Variants in PHTF2 observed in about 807,000 individuals in gnomAD.
PHTF2 encodes the protein protein PHTF2.
PHTF2 carries 60 observed loss-of-function variants against 101.2 expected under a neutral mutation model. The ratio of observed to expected loss-of-function variants is 0.59; its 90% CI spans 0.48 to 0.73. The LOEUF (loss-of-function observed/expected upper bound fraction) is 0.73. Ranked by LOEUF, PHTF2 falls within the 30% of genes least tolerant of loss-of-function variation. The pLI, the probability that PHTF2 is intolerant of heterozygous loss-of-function variation, is 0.00. For synonymous variants in PHTF2, 311 were observed against 307.3 expected, an observed-to-expected ratio of 1.01 and a Z score of -0.13; for missense variants, 747 against 908.7, an observed-to-expected ratio of 0.82 and a Z score of 2.29.
In PHTF2 at chr7:77,901,841, C is replaced by A. The variant is rs754105288; in HGVS notation, c.366C>A (p.Phe122Leu). The stretch of plus-strand genomic sequence containing the variant: ...AGGGAATTGTTCGAGTTGTATTTTT[C>A]CCCTTTTTCTTCCGGTGGTGGTTAC... Residue 122 changes from phenylalanine (F) to leucine (L), a missense_variant, in exon 7 of 20, where the codon TTC becomes TTA. By Grantham distance (22) the Phe-to-Leu change is conservative. This residue lies in a region of PHTF2 where 92 missense variants were observed against 98.9 expected (regional missense o/e 0.93). Transcript: ENST00000416283. 3 of 1,598,442 alleles carry A rather than the reference C, an allele frequency of 1.9e-6. No homozygotes were observed. The South Asian group carries it at 3.4e-5, about 18-fold the overall frequency.
chr7:77,937,958 A>C, intron 13 of PHTF2, 120 bp downstream of exon 12: 1 of 400,300 alleles, frequency 2.5e-6, no homozygotes, highest in Non-Finnish European at 4.2e-6. Context: ...CTGAAAAAAA[A>C]GTTACATGTG....
rs188124647 is a variant in PHTF2, at chr7:77,891,885, G to A, written c.148-1723G>A. On this transcript the variant is annotated intron_variant, in intron 3 of 19. Transcript: ENST00000416283. ...GCAGGCAAGAGCCACTCTGCACTCA[G>A]CCATAATATGATTTTTAAAATAAAA... is the stretch of plus-strand genomic sequence containing the variant. Among the ~76,000 whole-genome samples the A allele has an allele frequency of 3.8e-3, 575 of 152,230 alleles. 9 individuals are homozygous for A. Among genetic ancestry groups the A allele is most frequent in the South Asian group, 0.034 (163 of 4,820 alleles).
At chr7:77,802,485 C>G (rs1379826512) in intron 1 of PHTF2, among the ~76,000 whole-genome samples, 1 of 151,408 alleles carries the variant, frequency 6.6e-6, no homozygotes, top group Non-Finnish European at 1.5e-5. Context: ...TGTGAACTCC[C>G]CTTTGCATAT....
intron 1 of PHTF2, among the ~76,000 whole-genome samples, chr7:77,819,457 T>C (rs1794102025): frequency 1.3e-5 from 2 of 152,254 alleles, no homozygotes; most frequent in South Asian, 2.1e-4. Flanking sequence ...TGTTGACTTT[T>C]ATCAAATGCT....
chr7:77,957,333 A>G (rs1807042396), exon 20 of PHTF2: 1 of 151,982 alleles, frequency 6.6e-6, no homozygotes, highest in Admixed American at 6.6e-5. Flanking sequence ...TAAATTTTTT[A>G]TAACTTTCCA....
chr7:77,866,011 A>G (rs903093272), intron 3 of PHTF2, among the ~76,000 whole-genome samples: 5 of 151,894 alleles, frequency 3.3e-5, no homozygotes, highest in African/African-American at 1.2e-4. Context: ...TGGTGAAACC[A>G]TGTCTCTACT....
chr7:77,817,042 C>T (rs1269874843), intron 1 of PHTF2, among the ~76,000 whole-genome samples: 1 of 152,146 alleles, frequency 6.6e-6, no homozygotes, highest in East Asian at 1.9e-4. Context: ...GTACAGATGT[C>T]TCATCAATAT....
At chr7:77,839,994 CAA>C (rs1375839729) in intron 1 of PHTF2, 1 of 331,102 alleles carries the variant, frequency 3.0e-6, no homozygotes, top group African/African-American at 2.1e-5. Context: ...TGTAAGAAAA[CAA>C]GTGTTATTTA....
At chr7:77,924,074 A>T in intron 11 of PHTF2, 5 of 961,276 alleles carry the variant, frequency 5.2e-6, no homozygotes, top group Non-Finnish European at 6.2e-6. Flanking sequence ...GTGATATTTT[A>T]AAAGCTGCAT....
chr7:77,868,944 G>A (rs1308419242), intron 3 of PHTF2, among the ~76,000 whole-genome samples: 1 of 152,018 alleles, frequency 6.6e-6, no homozygotes, highest in Non-Finnish European at 1.5e-5. Context: ...ACTTGAATTT[G>A]TACCACACAT....
intron 15 of PHTF2, among the ~76,000 whole-genome samples, chr7:77,941,502 C>T (rs559363610): frequency 1.3e-4 from 20 of 152,136 alleles, no homozygotes; most frequent in Non-Finnish European, 2.5e-4. Context: ...TCCGTAAACA[C>T]TTATTTATGT....
chr7:77,821,713 G>T (rs537244713), intron 1 of PHTF2, among the ~76,000 whole-genome samples: 5 of 151,884 alleles, frequency 3.3e-5, no homozygotes, highest in African/African-American at 4.8e-5. Flanking sequence ...CTACCGGGGG[G>T]GCCCACAGGA....
intron 2 of PHTF2, among the ~76,000 whole-genome samples, chr7:77,849,822 A>G (rs1350838375): frequency 6.6e-6 from 1 of 152,208 alleles, no homozygotes; most frequent in Non-Finnish European, 1.5e-5. Context: ...CACTGTTGGC[A>G]TATAGAAATG....
intron 17 of PHTF2, among the ~76,000 whole-genome samples, chr7:77,950,685 T>G (rs1806458796): frequency 6.6e-6 from 1 of 152,148 alleles, no homozygotes; most frequent in Non-Finnish European, 1.5e-5. Context: ...CTTATGAAAT[T>G]GGACAAAATC....
intron 2 of PHTF2, among the ~76,000 whole-genome samples, chr7:77,841,329 C>T (rs1039834180): frequency 2.6e-5 from 4 of 152,204 alleles, no homozygotes; most frequent in Admixed American, 2.6e-4. Context: ...ATCCGCCCGC[C>T]TCAGCCTCCC....
intron 2 of PHTF2, among the ~76,000 whole-genome samples, chr7:77,852,610 T>G (rs569488229): frequency 3.9e-5 from 6 of 152,344 alleles, no homozygotes; most frequent in Non-Finnish European, 8.8e-5. Flanking sequence ...ACTCAATATG[T>G]GAGTGGTTTA....
chr7:77,880,876 A>G (rs1192294160), intron 3 of PHTF2, among the ~76,000 whole-genome samples: 2 of 152,190 alleles, frequency 1.3e-5, no homozygotes, highest in African/African-American at 4.8e-5. Context: ...ATGTGTGGAT[A>G]TTTAAATTCC....
At chr7:77,894,048 C>T (rs1053765584) in intron 5 of PHTF2, 55 bp downstream of exon 4, 14 of 1,327,880 alleles carry the variant, frequency 1.1e-5, no homozygotes, top group Non-Finnish European at 1.5e-5. Flanking sequence ...TGCTGGTCTG[C>T]TTAATTGAGA....
Position 77,954,848 on chromosome 7 carries a change from T to C in PHTF2, c.2338-10T>C, listed in dbSNP as rs1806898892. On this transcript the variant is annotated splice_polypyrimidine_tract_variant and intron_variant, in intron 19 of 19. Transcript: ENST00000416283. Reference sequence around the variant, plus strand: ...CTGGCTTGTCACCACTTCTATTTTTTTTTTTCTAGCTATGGAAGATTAAGT... The same window carrying C: ...CTGGCTTGTCACCACTTCTATTTTTCTTTTTCTAGCTATGGAAGATTAAGT... 2 of 1,489,508 alleles carry C rather than the reference T, an allele frequency of 1.3e-6. No homozygotes were observed. 92.3% of individuals were successfully genotyped at this position (1,489,508 alleles called of 1,614,324 possible). A position where few individuals can be genotyped will look rare whatever the true frequency, so the allele number is the denominator to read the frequency against.
Sources: allele counts gnomAD v4.1 joint callset (sites outside exome capture counted in the v4.1 genomes callset), GRCh38; gene constraint gnomAD v4.1.1; regional missense constraint gnomAD v4.1.1; transcripts MANE v1.5; gene names NCBI Gene and HGNC (gene_info 2026-07-23, HGNC 2026-07-21).